Variants in PCBP3 observed in about 807,000 individuals in gnomAD.
The protein encoded by PCBP3 is poly(rC)-binding protein 3.
A neutral mutation model predicts 52.7 loss-of-function variants in PCBP3; 25 were observed. The observed-to-expected ratio is 0.47, with a 90% CI of 0.35 to 0.66. The LOEUF is 0.66. PCBP3 is among the 30% of genes least tolerant of loss of function. PCBP3 has a pLI of 0.01. For synonymous variants in PCBP3, 162 were observed against 183.0 expected (o/e 0.89, Z 0.93); for missense variants, 391 against 490.3 (o/e 0.80, Z 1.91).
chr21:45,865,855 G>A (rs1697517432), intron 5 of PCBP3, among the ~76,000 whole-genome samples: 1 of 152,214 alleles, frequency 6.6e-6, no homozygotes, highest in South Asian at 2.1e-4. Context: ...CGGGCTCAGG[G>A]TGTGCACCCC....
chr21:45,877,740 A>G (rs1156310205), intron 5 of PCBP3, among the ~76,000 whole-genome samples: 1 of 152,126 alleles, frequency 6.6e-6, no homozygotes, highest in Non-Finnish European at 1.5e-5. Context: ...TGGGAGGTGG[A>G]GGTTGCAGTG....
intron 1 of PCBP3, among the ~76,000 whole-genome samples, chr21:45,646,069 C>T (rs1006830441): frequency 9.8e-5 from 12 of 122,682 alleles, no homozygotes; most frequent in African/African-American, 3.0e-4. Flanking sequence ...CTCTCTCTCT[C>T]TCTCTCTCTC....
chr21:45,845,226 G>A (rs1455752005), intron 4 of PCBP3, among the ~76,000 whole-genome samples: 4 of 152,238 alleles, frequency 2.6e-5, no homozygotes, highest in Non-Finnish European at 5.9e-5. Context: ...CCTGTCTGAA[G>A]CGGTTTCCCT....
chr21:45,728,153 G>T (rs1227412310), intron 2 of PCBP3, among the ~76,000 whole-genome samples: 1 of 152,176 alleles, frequency 6.6e-6, no homozygotes, highest in African/African-American at 2.4e-5. Context: ...GGAGGGTACG[G>T]TCTAACTTTG....
intron 1 of PCBP3, among the ~76,000 whole-genome samples, chr21:45,663,296 A>G (rs866585056): frequency 6.6e-6 from 1 of 151,454 alleles, no homozygotes; most frequent in Admixed American, 6.6e-5. Context: ...CTTGTCTTGT[A>G]TCCAATAAAT....
At chr21:45,653,328 A>G (rs534820948) in intron 1 of PCBP3, among the ~76,000 whole-genome samples, 8 of 152,152 alleles carry the variant, frequency 5.3e-5, no homozygotes, top group Non-Finnish European at 1.2e-4. Context: ...TAATTACACA[A>G]TTTCATGATG....
intron 3 of PCBP3, among the ~76,000 whole-genome samples, chr21:45,748,669 G>T (rs1479125691): frequency 6.6e-6 from 1 of 152,258 alleles, no homozygotes; most frequent in Non-Finnish European, 1.5e-5. Flanking sequence ...TGTGCCTCTG[G>T]CCACATCCAG....
At chr21:45,903,698 G>A (rs1322141158) in intron 9 of PCBP3, among the ~76,000 whole-genome samples, 1 of 152,156 alleles carries the variant, frequency 6.6e-6, no homozygotes, top group African/African-American at 2.4e-5. Context: ...ATAAGAGGGA[G>A]AATGATTATA....
chr21:45,924,046 G>A (rs1341656808), intron 13 of PCBP3, among the ~76,000 whole-genome samples: 1 of 124,352 alleles, frequency 8.0e-6, no homozygotes. Context: ...GGGAACAGTC[G>A]AGTGGGTAGA....
chr21:45,681,304 A>G (rs2081831471), intron 2 of PCBP3, among the ~76,000 whole-genome samples: 1 of 152,244 alleles, frequency 6.6e-6, no homozygotes, highest in Admixed American at 6.5e-5. Context: ...TACATTGAGC[A>G]ATAGGATTAC....
chr21:45,797,832 T>C (rs1309194691), intron 4 of PCBP3, among the ~76,000 whole-genome samples: 2 of 202 alleles, frequency 9.9e-3, no homozygotes, highest in Non-Finnish European at 0.028. Flanking sequence ...CATGTATCCA[T>C]AGAGAGTGAA....
chr21:45,795,788 T>A (rs1158985045), intron 4 of PCBP3, among the ~76,000 whole-genome samples: 1 of 152,004 alleles, frequency 6.6e-6, no homozygotes, highest in Non-Finnish European at 1.5e-5. Context: ...CAATAAATTC[T>A]GAAAAAGAAT....
chr21:45,864,433 T>C (rs995500314), intron 5 of PCBP3, among the ~76,000 whole-genome samples: 4 of 152,260 alleles, frequency 2.6e-5, no homozygotes, highest in Non-Finnish European at 4.4e-5. Context: ...CATCAGGGAA[T>C]GCATAATACT....
intron 13 of PCBP3, among the ~76,000 whole-genome samples, chr21:45,924,875 A>G (rs868242775): frequency 1.9e-4 from 7 of 37,550 alleles, no homozygotes; most frequent in East Asian, 4.6e-4. Context: ...TCGGGTGTGC[A>G]CGAGGAGATG....
chr21:45,698,443 C>T (rs1038322232), intron 2 of PCBP3, among the ~76,000 whole-genome samples: 3 of 152,230 alleles, frequency 2.0e-5, no homozygotes, highest in African/African-American at 7.2e-5. Flanking sequence ...ATTTGTTGGG[C>T]TGAATTTCTA....
chr21:45,658,428 T>C (rs1291236804), intron 1 of PCBP3, among the ~76,000 whole-genome samples: 1 of 152,094 alleles, frequency 6.6e-6, no homozygotes, highest in Non-Finnish European at 1.5e-5. Flanking sequence ...CTCAGCCTCC[T>C]GAGTAGCTGG....
rs545487490 is a variant in PCBP3 at position 45,905,416 on chromosome 21, G to A, written c.340-3939G>A. Among the ~76,000 whole-genome samples, 4 of 152,358 alleles carry A rather than the reference G, an allele frequency of 2.6e-5. No homozygotes were observed. The South Asian group carries it at 8.3e-4, about 32-fold the overall frequency. ...ATGGGCCCTTGGTTAGTTGACAAGT[G>A]CTGGCAAGTGTGATGAGTTCTGCAT... On this transcript the variant is annotated intron_variant, in intron 9 of 17. Transcript: ENST00000681687.
intron 5 of PCBP3, 70 bp downstream of exon 5, chr21:45,850,165 C>T: frequency 1.6e-6 from 2 of 1,278,404 alleles, no homozygotes; most frequent in Non-Finnish European, 2.2e-6. Context: ...TCAGACTTAC[C>T]CTTGACAAAT....
chr21:45,750,497 C>T (rs1244098667), intron 3 of PCBP3: 1 of 149,664 alleles, frequency 6.7e-6, no homozygotes, highest in Non-Finnish European at 1.5e-5. Flanking sequence ...CTCAAATTCT[C>T]CTAGATTTGA....
Sources: gnomAD v4.1 joint callset for allele counts (sites outside exome capture counted in the v4.1 genomes callset) on GRCh38, gnomAD v4.1.1 for gene constraint, MANE v1.5 for transcripts, NCBI Gene and HGNC (gene_info 2026-07-23, HGNC 2026-07-21) for gene names.